SOBP: variants seen among roughly 807,000 people sequenced by gnomAD.
The protein encoded by SOBP is sine oculis-binding protein homolog.
SOBP carries 4 observed loss-of-function variants against 53.6 expected under a neutral mutation model. The observed-to-expected ratio is 0.07, with a 90% CI of 0.04 to 0.17. SOBP has a LOEUF of 0.17. Among genes scored for constraint, SOBP ranks in the 10% least tolerant of loss-of-function variants. The pLI is 1.00. For missense variants in SOBP, 1,088 were observed against 1,204.7 expected (o/e 0.90, Z 1.43); for synonymous variants, 584 against 522.6 (o/e 1.12, Z -1.60).
At chr6:107,583,963 AT>A (rs1456267890) in intron 4 of SOBP, among the ~76,000 whole-genome samples, 9 of 152,158 alleles carry the variant, frequency 5.9e-5, no homozygotes, top group African/African-American at 1.9e-4. Context: ...AAAGTTTTGT[AT>A]TTTGGGGCAT....
intron 4 of SOBP, 111 bp downstream of exon 4, chr6:107,533,721 T>G: frequency 2.2e-6 from 3 of 1,365,174 alleles, no homozygotes; most frequent in Non-Finnish European, 3.1e-6. Flanking sequence ...TTTTATATTT[T>G]TATTCTCTCT....
intron 3 of SOBP, among the ~76,000 whole-genome samples, chr6:107,519,633 G>A (rs886741953): frequency 6.6e-6 from 1 of 152,096 alleles, no homozygotes; most frequent in African/African-American, 2.4e-5. Context: ...GCAGTGTAGG[G>A]GATTAAAGCA....
At chr6:107,542,784 G>A (rs140484413) in intron 4 of SOBP, among the ~76,000 whole-genome samples, 63 of 152,016 alleles carry the variant, frequency 4.1e-4, no homozygotes, top group African/African-American at 1.5e-3. Context: ...TTTGGGCAAG[G>A]TGTGGGAGGA....
intron 5 of SOBP, among the ~76,000 whole-genome samples, chr6:107,614,507 C>T (rs780478910): frequency 2.0e-5 from 3 of 152,178 alleles, no homozygotes; most frequent in Admixed American, 6.5e-5. Flanking sequence ...TAAGTAGCTT[C>T]GAGAGAGAGG....
chr6:107,554,313 A>C (rs897181813), intron 4 of SOBP, among the ~76,000 whole-genome samples: 13 of 152,192 alleles, frequency 8.5e-5, no homozygotes, highest in African/African-American at 3.1e-4. Flanking sequence ...GGATGGCTTT[A>C]AAGTCACAAA....
intron 6 of SOBP, among the ~76,000 whole-genome samples, chr6:107,645,973 T>C (rs1225974382): frequency 6.6e-6 from 1 of 151,970 alleles, no homozygotes; most frequent in East Asian, 1.9e-4. Context: ...AGTGGGAAGG[T>C]GGTAGAACAG....
chr6:107,553,451 C>A (rs1784524352), intron 4 of SOBP, among the ~76,000 whole-genome samples: 1 of 151,562 alleles, frequency 6.6e-6, no homozygotes, highest in East Asian at 1.9e-4. Flanking sequence ...GCCTCAGCGT[C>A]CCAAGTAGCT....
chr6:107,554,426 G>C (rs1325580789), intron 4 of SOBP, among the ~76,000 whole-genome samples: 1 of 152,184 alleles, frequency 6.6e-6, no homozygotes, highest in Non-Finnish European at 1.5e-5. Context: ...TAATCTTGCT[G>C]CCTGGATGCC....
At chr6:107,564,282 A>T (rs968460270) in intron 4 of SOBP, among the ~76,000 whole-genome samples, 2 of 152,168 alleles carry the variant, frequency 1.3e-5, no homozygotes, top group Non-Finnish European at 2.9e-5. Flanking sequence ...CTCCTCATTA[A>T]AGTATAAAAC....
intron 5 of SOBP, among the ~76,000 whole-genome samples, chr6:107,599,827 T>A (rs1786110829): frequency 6.6e-6 from 1 of 152,242 alleles, no homozygotes; most frequent in South Asian, 2.1e-4. Context: ...AGTTTTCCTT[T>A]GTTCTGGCTT....
At chr6:107,538,253 A>G (rs1370704051) in intron 4 of SOBP, among the ~76,000 whole-genome samples, 1 of 152,228 alleles carries the variant, frequency 6.6e-6, no homozygotes, top group Admixed American at 6.5e-5. Flanking sequence ...AGACTTAATT[A>G]TAGAACCAAG....
rs751979917 is a variant in SOBP at position 107,635,255 on chromosome 6, C to T, written c.2411C>T (p.Pro804Leu). 4.3e-6 allele frequency: 7 copies of T among 1,613,890 alleles called. No homozygotes were observed. The Admixed American group carries it at 5.0e-5, about 12-fold the overall frequency. The change falls in exon 6 of 7, where the codon CCG becomes CTG. Residue 804 changes from proline (P) to leucine (L), a missense_variant. By Grantham distance (98) the Pro-to-Leu change is moderately conservative. Coordinates refer to ENST00000317357, the MANE Select transcript of SOBP (RefSeq NM_018013.4). This position sits in a 1 kb window ranked among gnomAD's most constrained non-coding sequence, Gnocchi z 4.5. ...EALAGGDKSDPNLNNPADEDH... is the reference protein window; with the variant it reads ...EALAGGDKSDLNLNNPADEDH... ...CTGGCGGGGGGCGACAAGTCAGACC[C>T]GAACCTTAATAACCCCGCGGACGAG...
At chr6:107,613,900 T>C (rs921687231) in intron 5 of SOBP, among the ~76,000 whole-genome samples, 2 of 152,132 alleles carry the variant, frequency 1.3e-5, no homozygotes, top group African/African-American at 4.8e-5. Context: ...CCTTCAAAGG[T>C]AGAATATACC....
intron 2 of SOBP, among the ~76,000 whole-genome samples, chr6:107,504,110 G>A (rs1344354655): frequency 6.6e-6 from 1 of 152,190 alleles, no homozygotes; most frequent in Non-Finnish European, 1.5e-5. Context: ...AGAGTTTCCT[G>A]ATCACTTTGA....
chr6:107,607,509 T>G (rs1489857793), intron 5 of SOBP, among the ~76,000 whole-genome samples: 1 of 152,218 alleles, frequency 6.6e-6, no homozygotes, highest in Non-Finnish European at 1.5e-5. Context: ...TTTTTCCATT[T>G]AAGAGTTTCT....
intron 3 of SOBP, among the ~76,000 whole-genome samples, chr6:107,516,248 C>T (rs572559195): frequency 4.3e-4 from 66 of 152,104 alleles, no homozygotes; most frequent in African/African-American, 1.4e-3. Context: ...GATCACTTGA[C>T]GACAGGAGTT....
At chr6:107,526,955 A>T (rs762951678) in intron 3 of SOBP, among the ~76,000 whole-genome samples, 7 of 152,228 alleles carry the variant, frequency 4.6e-5, no homozygotes, top group Non-Finnish European at 1.0e-4. Context: ...ATTTATACAA[A>T]AGAAAATTAG....
chr6:107,544,823 ATT>A (rs1784250402), intron 4 of SOBP, among the ~76,000 whole-genome samples: 1 of 152,220 alleles, frequency 6.6e-6, no homozygotes, highest in South Asian at 2.1e-4. Flanking sequence ...TCATTCATTC[ATT>A]CATTCATTCT....
At position 107,633,667 on chromosome 6, in the gene SOBP, C is replaced by T; in HGVS notation, c.823C>T (p.Leu275=). 6.2e-7 allele frequency: 1 copy of T among 1,614,260 alleles called. No homozygotes were observed. Among genetic ancestry groups the T allele is most frequent in the Non-Finnish European group, 8.5e-7 (1 of 1,180,048 alleles). ...KETQANLPAG[L]CSTLHPPMEN... is the part of the protein sequence containing the mutation. ...GACCCAGGCCAATCTTCCAGCTGGG[C>T]TGTGCAGCACATTACACCCTCCCAT... Residue 275 remains leucine, a synonymous_variant, in exon 6 of 7, where the codon CTG becomes TTG. Coordinates refer to ENST00000317357, the MANE Select transcript of SOBP (RefSeq NM_018013.4).
Sources: allele counts gnomAD v4.1 joint callset (sites outside exome capture counted in the v4.1 genomes callset), GRCh38; gene constraint gnomAD v4.1.1; non-coding constraint Gnocchi (gnomAD v3.1); transcripts MANE v1.5; gene names NCBI Gene and HGNC (gene_info 2026-07-23, HGNC 2026-07-21).